The following EML5 variants were observed in gnomAD, a reference collection of about 807,000 sequenced individuals.
EML5 encodes echinoderm microtubule-associated protein-like 5.
Under a neutral mutation model 250.0 loss-of-function variants are expected in EML5, and 120 were observed. That is an observed-to-expected ratio of 0.48 (90% confidence interval 0.41 to 0.56). EML5 has a LOEUF of 0.56. EML5 is among the 20% of genes least tolerant of loss of function. EML5 has a pLI of 0.00. For missense variants in EML5, 2,006 were observed against 2,437.6 expected, an observed-to-expected ratio of 0.82 and a Z score of 3.73; for synonymous variants, 771 against 806.5, an observed-to-expected ratio of 0.96 and a Z score of 0.75.
intron 8 of EML5, among the ~76,000 whole-genome samples, chr14:88,718,234 T>C (rs1253141254): frequency 6.6e-6 from 1 of 152,150 alleles, no homozygotes. Context: ...GTTAAATAAG[T>C]AACTGGATAT....
chr14:88,665,285 A>G (rs1049342782), intron 22 of EML5, 52 bp downstream of exon 22: 10 of 1,539,420 alleles, frequency 6.5e-6, no homozygotes, highest in Admixed American at 2.1e-5. Context: ...TGATACATTT[A>G]TACACTGCCA....
At chr14:88,681,529 A>G (rs990649804) in intron 21 of EML5, among the ~76,000 whole-genome samples, 2 of 152,136 alleles carry the variant, frequency 1.3e-5, no homozygotes, top group African/African-American at 4.8e-5. Flanking sequence ...CTTAGTTTTT[A>G]GTTCTTTTTT....
At chr14:88,773,050 C>T (rs952385033) in intron 1 of EML5, among the ~76,000 whole-genome samples, 6 of 152,304 alleles carry the variant, frequency 3.9e-5, no homozygotes, top group Admixed American at 2.0e-4. Context: ...CTTACTCCTT[C>T]GGAGGTATCT....
chr14:88,732,178 C>T (rs2093770137), intron 7 of EML5, among the ~76,000 whole-genome samples: 1 of 152,164 alleles, frequency 6.6e-6, no homozygotes, highest in Non-Finnish European at 1.5e-5. Flanking sequence ...AGGTTTCCTT[C>T]TAGGGTTTTT....
At chr14:88,661,572 A>C in intron 25 of EML5, 82 bp downstream of exon 25, 2 of 1,231,352 alleles carry the variant, frequency 1.6e-6, no homozygotes, top group African/African-American at 3.0e-5. Flanking sequence ...TACAATTAAT[A>C]ACAATGAAGT....
chr14:88,674,244 G>A (rs766368352), intron 21 of EML5, among the ~76,000 whole-genome samples: 8 of 152,100 alleles, frequency 5.3e-5, no homozygotes, highest in Non-Finnish European at 1.0e-4. Context: ...ACTTCAGGCT[G>A]GGCTAAAAGG....
At chr14:88,763,636 A>G (rs2094280534) in intron 1 of EML5, among the ~76,000 whole-genome samples, 1 of 152,190 alleles carries the variant, frequency 6.6e-6, no homozygotes, top group African/African-American at 2.4e-5. Context: ...AAAAGAGGGA[A>G]TTCTCCCTAA....
chr14:88,770,477 G>A (rs192501024), intron 1 of EML5, among the ~76,000 whole-genome samples: 2 of 151,948 alleles, frequency 1.3e-5, no homozygotes, highest in Non-Finnish European at 2.9e-5. Flanking sequence ...AGACCATTCA[G>A]TACAGAGAAA....
chr14:88,791,559 A>G (rs950240534), intron 1 of EML5, among the ~76,000 whole-genome samples: 2 of 152,220 alleles, frequency 1.3e-5, no homozygotes, highest in Admixed American at 1.3e-4. Context: ...ACCAACTTTG[A>G]GTTATTGTCC....
intron 1 of EML5, among the ~76,000 whole-genome samples, chr14:88,768,417 C>CTTT (rs57996765): frequency 6.7e-6 from 1 of 148,158 alleles, no homozygotes; most frequent in African/African-American, 2.5e-5. Context: ...ATGTGATTGT[C>CTTT]TTTTTTTTTT....
At chr14:88,641,799 T>C (rs1222095804) in intron 31 of EML5, among the ~76,000 whole-genome samples, 2 of 152,082 alleles carry the variant, frequency 1.3e-5, no homozygotes, top group Non-Finnish European at 2.9e-5. Flanking sequence ...GCCCTCTCTC[T>C]AGACACCCCA....
chr14:88,661,108 A>T (rs968713878), intron 25 of EML5, among the ~76,000 whole-genome samples: 1 of 152,194 alleles, frequency 6.6e-6, no homozygotes, highest in Non-Finnish European at 1.5e-5. Flanking sequence ...TCTCTCTCTG[A>T]CACAGGGTTT....
At chr14:88,760,349 T>TGTTC (rs368346662) in intron 1 of EML5, among the ~76,000 whole-genome samples, 1,563 of 152,028 alleles carry the variant, frequency 0.01, 25 homozygotes, top group African/African-American at 0.036. Flanking sequence ...TATAGTTGTT[T>TGTTC]GTTTGTTTGT....
rs953624196 is a variant in EML5, at chr14:88,792,926, G to A, written c.-423C>T. ...TGTAGCCACAGCCTGGCGGACCCGC[G>A]CCGCGCACCCCGAAACCGAGCGAGC... On this transcript the variant is annotated 5_prime_UTR_variant, in exon 1 of 44. Transcript: ENST00000554922. The surrounding 1 kb of genome is among the most constrained non-coding windows in gnomAD (Gnocchi z 6.9). Among the ~76,000 whole-genome samples, 21 of 151,412 alleles carry A rather than the reference G, an allele frequency of 1.4e-4. No homozygotes were observed. The highest frequency in any genetic ancestry group is 4.9e-4 in the African/African-American group (20 of 41,104).
intron 14 of EML5, among the ~76,000 whole-genome samples, 198 bp downstream of exon 14, chr14:88,702,248 T>C (rs975667399): frequency 6.6e-6 from 1 of 152,098 alleles, no homozygotes; most frequent in Non-Finnish European, 1.5e-5. Flanking sequence ...TAAAATAATA[T>C]GAATTAAAAT....
At chr14:88,704,386 C>T (rs901604698) in intron 13 of EML5, among the ~76,000 whole-genome samples, 2 of 152,274 alleles carry the variant, frequency 1.3e-5, no homozygotes, top group Admixed American at 1.3e-4. Context: ...CTTGTACAGC[C>T]TGCAGAACAC....
chr14:88,687,547 G>A (rs763742102), intron 18 of EML5, among the ~76,000 whole-genome samples: 1 of 151,852 alleles, frequency 6.6e-6, no homozygotes, highest in Non-Finnish European at 1.5e-5. Flanking sequence ...TTTTAGATAG[G>A]GCTTTAGAAA....
chr14:88,630,853 G>T (rs1037666321), intron 33 of EML5, among the ~76,000 whole-genome samples: 18 of 152,154 alleles, frequency 1.2e-4, no homozygotes, highest in African/African-American at 3.9e-4. Context: ...CAGCCTTATC[G>T]GTGAAGCCAA....
In EML5 at chr14:88,625,295, G is replaced by T. The variant is rs1167978140; in HGVS notation, c.4741-168C>A. On this transcript the variant is annotated intron_variant, in intron 35 of 43. Coordinates refer to ENST00000554922, the MANE Select transcript of EML5 (RefSeq NM_183387.3). ...ACGAGTCAGGAAACCTGAACGGGAG[G>T]CTTAGCTTTGTCAGGACCTTTTCCT... The T allele has an allele frequency of 7.3e-6, 5 of 681,050 alleles. No individual in the cohort carries two copies. In the East Asian group the frequency reaches 1.5e-4, roughly 20 times the overall value. 42.2% of individuals were successfully genotyped at this position (681,050 alleles called of 1,614,324 possible).
Sources: gnomAD v4.1 joint callset for allele counts (sites outside exome capture counted in the v4.1 genomes callset) on GRCh38, gnomAD v4.1.1 for gene constraint, Gnocchi (gnomAD v3.1) non-coding constraint, MANE v1.5 for transcripts, NCBI Gene and HGNC (gene_info 2026-07-23, HGNC 2026-07-21) for gene names.